ASCC2: variants seen among roughly 807,000 people sequenced by gnomAD.
The protein encoded by ASCC2 is ASC-1 complex subunit P100.
Under a neutral mutation model 93.5 loss-of-function variants are expected in ASCC2, and 42 were observed. That is an observed-to-expected ratio of 0.45 (90% confidence interval 0.35 to 0.58). ASCC2 has a LOEUF of 0.58. Among genes scored for constraint, ASCC2 ranks in the 20% least tolerant of loss-of-function variants. The pLI is 0.00. For missense variants in ASCC2, 859 were observed against 977.6 expected (o/e 0.88, Z 1.62); for synonymous variants, 364 against 384.2 (o/e 0.95, Z 0.62).
chr22:29,824,689 T>C lies in ASCC2; in HGVS notation c.411+398A>G, dbSNP rs373908279. 3.3e-3 allele frequency among the ~76,000 whole-genome samples: 502 copies of C among 152,220 alleles called. 3 individuals are homozygous for C. The highest frequency in any genetic ancestry group is 0.012 in the African/African-American group (486 of 41,528). On this transcript the variant is annotated intron_variant, in intron 4 of 19. Transcript: ENST00000307790. ...GGAGAGATTTTGTCGGTGACATTCG[T>C]ATTTCCGCAATGTTTGGGTTGTTTA...
intron 5 of ASCC2, chr22:29,816,856 C>G (rs531016777): frequency 2.6e-5 from 4 of 152,066 alleles, no homozygotes; most frequent in African/African-American, 4.8e-5. Context: ...AGCTTGGGGA[C>G]GTGACAATGT....
intron 15 of ASCC2, among the ~76,000 whole-genome samples, chr22:29,800,127 C>T (rs893386658): frequency 2.0e-5 from 3 of 152,212 alleles, no homozygotes; most frequent in Non-Finnish European, 4.4e-5. Context: ...TTTGTCGGTT[C>T]ATGGGACCCT....
intron 13 of ASCC2, among the ~76,000 whole-genome samples, chr22:29,804,296 C>A (rs534938161): frequency 3.9e-5 from 6 of 152,328 alleles, no homozygotes; most frequent in Admixed American, 1.3e-4. Context: ...TTCCCAGTTG[C>A]AACCAAAGGA....
At chr22:29,815,894 G>C in intron 6 of ASCC2, 112 bp downstream of exon 6, 1 of 871,334 alleles carries the variant, frequency 1.1e-6, no homozygotes, top group Non-Finnish European at 1.8e-6. Context: ...GCGAGAGTCA[G>C]GGAATAAACA....
chr22:29,818,097 G>GT (rs1250683834), intron 5 of ASCC2, among the ~76,000 whole-genome samples: 1 of 145,996 alleles, frequency 6.8e-6, no homozygotes, highest in African/African-American at 2.6e-5. Context: ...TGGGAGGATT[G>GT]CTTGGAAAAA....
At chr22:29,791,684 A>AAACAAC (rs968725048) in intron 18 of ASCC2, among the ~76,000 whole-genome samples, 1 of 152,076 alleles carries the variant, frequency 6.6e-6, no homozygotes, top group African/African-American at 2.4e-5. Context: ...GCCATCTCCA[A>AAACAAC]AACAACAACA....
intron 9 of ASCC2, 93 bp from the exon 10 acceptor site, chr22:29,806,997 G>C: frequency 1.1e-6 from 1 of 900,870 alleles, no homozygotes; most frequent in Non-Finnish European, 1.7e-6. Context: ...CTAGCATCTT[G>C]GGAATCTGAG....
At chr22:29,813,752 G>T (rs1463361371) in intron 7 of ASCC2, among the ~76,000 whole-genome samples, 1 of 152,114 alleles carries the variant, frequency 6.6e-6, no homozygotes, top group Non-Finnish European at 1.5e-5. Context: ...TAAGCCTCAG[G>T]TCATTACTCC....
chr22:29,795,216 C>T (rs928988256), intron 15 of ASCC2, among the ~76,000 whole-genome samples: 2 of 151,872 alleles, frequency 1.3e-5, no homozygotes, highest in Non-Finnish European at 2.9e-5. Context: ...AATGAGCCAC[C>T]GTGCCCAGCC....
chr22:29,803,944 G>T (rs780649871), intron 13 of ASCC2, among the ~76,000 whole-genome samples: 1 of 152,210 alleles, frequency 6.6e-6, no homozygotes, highest in Non-Finnish European at 1.5e-5. Context: ...ACACCTCATG[G>T]AGGTGGGCAC....
intron 7 of ASCC2, among the ~76,000 whole-genome samples, chr22:29,814,371 A>G (rs1481073396): frequency 2.0e-5 from 3 of 152,260 alleles, no homozygotes; most frequent in African/African-American, 7.2e-5. Context: ...AATAACGCAC[A>G]AGTGAACATG....
chr22:29,830,746 C>T (rs182877150), intron 2 of ASCC2, among the ~76,000 whole-genome samples: 1 of 152,236 alleles, frequency 6.6e-6, no homozygotes, highest in Admixed American at 6.5e-5. Context: ...CATGTCTTTT[C>T]TCTTTATAGC....
chr22:29,824,953 A>T (rs576115714), intron 4 of ASCC2, 134 bp downstream of exon 4: 150 of 906,264 alleles, frequency 1.7e-4, no homozygotes, highest in Non-Finnish European at 2.1e-4. Context: ...TTCTTCCCCA[A>T]CAGTGGGAAT....
rs551234415 is a variant in ASCC2 at position 29,793,990 on chromosome 22, C to T, written c.1689-314G>A. 2.0e-5 allele frequency among the ~76,000 whole-genome samples: 3 copies of T among 151,878 alleles called. No individual in the cohort carries two copies. The East Asian group carries it at 5.9e-4, about 30-fold the overall frequency. Reference sequence around the variant, plus strand: ...CTCGGCTCACTGCAACCTCCATCTCCCAGGTTCAAGCGATTCTTCTGTCTC... The same window carrying T: ...CTCGGCTCACTGCAACCTCCATCTCTCAGGTTCAAGCGATTCTTCTGTCTC... On this transcript the variant is annotated intron_variant, in intron 15 of 19. Coordinates refer to ENST00000307790, the MANE Select transcript of ASCC2 (RefSeq NM_032204.5).
At chr22:29,799,876 C>G (rs2058875030) in intron 15 of ASCC2, among the ~76,000 whole-genome samples, 1 of 152,194 alleles carries the variant, frequency 6.6e-6, no homozygotes, top group Non-Finnish European at 1.5e-5. Context: ...CAGCCTTGAC[C>G]TCCTGGGCTT....
At chr22:29,818,223 G>A (rs1002336307) in intron 5 of ASCC2, among the ~76,000 whole-genome samples, 27 of 151,982 alleles carry the variant, frequency 1.8e-4, no homozygotes, top group African/African-American at 5.8e-4. Context: ...CTTTGACTGA[G>A]TTTCCGCGGT....
At chr22:29,806,077 G>A in intron 12 of ASCC2, 139 bp downstream of exon 12, 1 of 873,730 alleles carries the variant, frequency 1.1e-6, no homozygotes, top group Non-Finnish European at 1.8e-6. Flanking sequence ...TGGGACCTTG[G>A]CAGGCCACCT....
intron 15 of ASCC2, among the ~76,000 whole-genome samples, chr22:29,798,190 T>C (rs2058663647): frequency 6.6e-6 from 1 of 152,226 alleles, no homozygotes; most frequent in Non-Finnish European, 1.5e-5. Flanking sequence ...CATGTATTGA[T>C]GTCTCCACAA....
At chr22:29,815,518 T>G (rs2060742181) in intron 6 of ASCC2, among the ~76,000 whole-genome samples, 1 of 152,122 alleles carries the variant, frequency 6.6e-6, no homozygotes, top group Non-Finnish European at 1.5e-5. Flanking sequence ...CTGTGCCATT[T>G]TAAGAAGGCT....
Sources: allele counts gnomAD v4.1 joint callset (sites outside exome capture counted in the v4.1 genomes callset), GRCh38; gene constraint gnomAD v4.1.1; transcripts MANE v1.5; gene names NCBI Gene and HGNC (gene_info 2026-07-23, HGNC 2026-07-21).